The following CHCHD3 variants were observed in gnomAD, a reference collection of about 807,000 sequenced individuals.
CHCHD3 encodes coiled-coil-helix-coiled-coil-helix domain containing 3.
Under a neutral mutation model 38.2 loss-of-function variants are expected in CHCHD3, and 20 were observed. That is an observed-to-expected ratio of 0.52 (90% confidence interval 0.37 to 0.76). CHCHD3 has a LOEUF of 0.76. CHCHD3 is among the 30% of genes least tolerant of loss of function. The pLI is 0.00. For synonymous variants in CHCHD3, 82 were observed against 100.0 expected, an observed-to-expected ratio of 0.82 and a Z score of 1.07; for missense variants, 245 against 279.2, an observed-to-expected ratio of 0.88 and a Z score of 0.87.
chr7:132,852,876 A>T (rs1041693284), intron 5 of CHCHD3, among the ~76,000 whole-genome samples: 2 of 152,224 alleles, frequency 1.3e-5, no homozygotes, highest in Non-Finnish European at 2.9e-5. Context: ...TAGCAAGAAA[A>T]GATAGACACA....
intron 4 of CHCHD3, among the ~76,000 whole-genome samples, chr7:132,952,522 AATCTTGTCTAAGGAACTAAT>A (rs1811057228): frequency 3.9e-5 from 6 of 152,212 alleles, no homozygotes; most frequent in Admixed American, 2.0e-4. Flanking sequence ...AATAGTAAAC[AATCTTGTCTAAGGAACTAAT>A]ATCAAGCCTG....
Position 132,785,464 on chromosome 7 carries a change from A to G in CHCHD3, c.*173T>C. 1 of 670,738 alleles carries G rather than the reference A, an allele frequency of 1.5e-6. No homozygotes were observed. The highest frequency in any genetic ancestry group is 2.6e-6 in the Non-Finnish European group (1 of 379,984). The allele number at this position is 670,738 out of a possible 1,614,324, so 41.5% of individuals were successfully genotyped here. On this transcript the variant is annotated 3_prime_UTR_variant, in exon 8 of 8. Transcript: ENST00000262570. ...CCCTGATCAAGGCTTTGGCCCTTCA[A>G]ACTGCTGCTGTTCAAAACGTGAAAT...
chr7:132,902,210 A>G (rs1809687129), intron 4 of CHCHD3, among the ~76,000 whole-genome samples: 1 of 152,180 alleles, frequency 6.6e-6, no homozygotes. Flanking sequence ...ACACTTTTAC[A>G]CTGTTGGTGG....
chr7:133,020,658 T>C (rs1240949440), intron 3 of CHCHD3, among the ~76,000 whole-genome samples: 1 of 152,222 alleles, frequency 6.6e-6, no homozygotes, highest in Non-Finnish European at 1.5e-5. Context: ...CCTGCTGCTG[T>C]TGTCATTGCT....
chr7:132,813,110 C>T (rs147760968), intron 6 of CHCHD3, among the ~76,000 whole-genome samples: 3 of 152,336 alleles, frequency 2.0e-5, no homozygotes, highest in African/African-American at 4.8e-5. Context: ...ATTCCCAGTG[C>T]TTGTCACATC....
intron 6 of CHCHD3, among the ~76,000 whole-genome samples, chr7:132,812,888 G>A (rs755046545): frequency 1.3e-5 from 2 of 152,138 alleles, no homozygotes; most frequent in Non-Finnish European, 2.9e-5. Context: ...CTTCCTCAGC[G>A]TCTTAACATG....
At chr7:132,843,602 C>T (rs1807996693) in intron 5 of CHCHD3, among the ~76,000 whole-genome samples, 1 of 152,208 alleles carries the variant, frequency 6.6e-6, no homozygotes, top group Admixed American at 6.5e-5. Flanking sequence ...TGTCTTCACA[C>T]ATTGCCTAGC....
At position 132,838,577 on chromosome 7, in the gene CHCHD3, A is replaced by C. The variant is rs1272543289; in HGVS notation, c.454-108T>G. 7 of 755,926 alleles carry C rather than the reference A, an allele frequency of 9.3e-6. No homozygotes were observed. In the East Asian group the frequency reaches 1.8e-4, roughly 19 times the overall value. 46.8% of individuals were successfully genotyped at this position (755,926 alleles called of 1,614,324 possible). ...AAAACCTTGTTTCAGCCACTCAAGC[A>C]GTAGAAGACTTTCTTGTATAGGTGG... On this transcript the variant is annotated intron_variant, in intron 5 of 7. Coordinates refer to ENST00000262570, the MANE Select transcript of CHCHD3 (RefSeq NM_017812.4).
chr7:132,817,595 T>G (rs1161161529), intron 6 of CHCHD3, among the ~76,000 whole-genome samples: 1 of 152,108 alleles, frequency 6.6e-6, no homozygotes, highest in African/African-American at 2.4e-5. Context: ...TGGGGGAGAC[T>G]GTGCACACAT....
At chr7:132,822,807 C>A (rs945341658) in intron 6 of CHCHD3, among the ~76,000 whole-genome samples, 1 of 151,146 alleles carries the variant, frequency 6.6e-6, no homozygotes, top group African/African-American at 2.4e-5. Context: ...CCGCCCCCAC[C>A]GCGCCCCCCA....
At position 132,946,967 on chromosome 7, in the gene CHCHD3, G is replaced by T. The variant is rs187469563; in HGVS notation, c.369+28202C>A. ...ACAGTTGTCTCTTCTACCAGAAAATGTACACAAACCACCATACTTTTCTGC... is the reference window on the plus strand; with the variant it reads ...ACAGTTGTCTCTTCTACCAGAAAATTTACACAAACCACCATACTTTTCTGC... On this transcript the variant is annotated intron_variant, in intron 4 of 7. Transcript: ENST00000262570. Among the ~76,000 whole-genome samples the T allele has an allele frequency of 2.6e-3, 395 of 151,976 alleles. 4 individuals are homozygous for T. Among genetic ancestry groups the T allele is most frequent in the African/African-American group, 9.3e-3 (386 of 41,500 alleles).
At chr7:132,919,100 CTTTTT>C (rs5887600) in intron 4 of CHCHD3, among the ~76,000 whole-genome samples, 7 of 69,494 alleles carry the variant, frequency 1.0e-4, no homozygotes, top group South Asian at 6.9e-4. Context: ...TGGGTTTATT[CTTTTT>C]TTTTTTTTTT....
At chr7:133,019,938 C>T (rs895446133) in intron 3 of CHCHD3, among the ~76,000 whole-genome samples, 2 of 152,022 alleles carry the variant, frequency 1.3e-5, no homozygotes, top group African/African-American at 4.8e-5. Flanking sequence ...TACACAGTTA[C>T]AACACAATAT....
rs188467229 is a variant in CHCHD3, at chr7:132,999,780, A to G, written c.252-24494T>C. ...TAATGTCTAAACTTTCATTAATGTC[A>G]TATTTTGATAGTTCACAAAGTATCT... is the stretch of plus-strand genomic sequence containing the variant. On this transcript the variant is annotated intron_variant, in intron 3 of 7. Coordinates refer to ENST00000262570, the MANE Select transcript of CHCHD3 (RefSeq NM_017812.4). 3.1e-3 allele frequency among the ~76,000 whole-genome samples: 479 copies of G among 152,282 alleles called. 3 individuals carry two copies. The South Asian group carries it at 0.037, about 12-fold the overall frequency.
chr7:132,800,204 T>C (rs1483545888), intron 6 of CHCHD3, among the ~76,000 whole-genome samples: 2 of 152,360 alleles, frequency 1.3e-5, no homozygotes, highest in East Asian at 3.9e-4. Context: ...GTTTCTAATT[T>C]TTCACTGCTT....
At chr7:132,939,686 T>C (rs1045213732) in intron 4 of CHCHD3, among the ~76,000 whole-genome samples, 2 of 152,016 alleles carry the variant, frequency 1.3e-5, no homozygotes, top group African/African-American at 4.8e-5. Flanking sequence ...CAAACGAAAA[T>C]TTGGAAAGGA....
intron 4 of CHCHD3, among the ~76,000 whole-genome samples, chr7:132,922,772 T>C (rs1474288759): frequency 1.3e-5 from 2 of 152,192 alleles, no homozygotes; most frequent in African/African-American, 4.8e-5. Flanking sequence ...CCCAACCTTG[T>C]CTTACGTTTA....
At position 133,048,354 on chromosome 7, in the gene CHCHD3, T is replaced by C. The variant is rs556270865; in HGVS notation, c.169+21788A>G. 3.9e-5 allele frequency among the ~76,000 whole-genome samples: 6 copies of C among 152,214 alleles called. No individual in the cohort carries two copies. The East Asian group carries it at 1.2e-3, about 29-fold the overall frequency. On this transcript the variant is annotated intron_variant, in intron 2 of 7. Transcript: ENST00000262570. Reference sequence around the variant, plus strand: ...TTTTAATCCATCATTGAGAACAATATAAAACAATAAAATATAACTATACAA... The same window carrying C: ...TTTTAATCCATCATTGAGAACAATACAAAACAATAAAATATAACTATACAA...
intron 2 of CHCHD3, among the ~76,000 whole-genome samples, chr7:133,048,944 A>AT (rs1206034267): frequency 6.6e-6 from 1 of 152,214 alleles, no homozygotes; most frequent in Non-Finnish European, 1.5e-5. Flanking sequence ...AAATGTGTTG[A>AT]TTTAAAAGTA....
Sources: allele counts gnomAD v4.1 joint callset (sites outside exome capture counted in the v4.1 genomes callset), GRCh38; gene constraint gnomAD v4.1.1; transcripts MANE v1.5; gene names NCBI Gene and HGNC (gene_info 2026-07-23, HGNC 2026-07-21).